Variants in KCNK6 observed in about 807,000 individuals in gnomAD.
KCNK6 encodes the protein potassium channel subfamily K member 6.
In KCNK6, 20 loss-of-function variants were observed where a neutral mutation model predicts 21.9. The ratio of observed to expected loss-of-function variants is 0.91; its 90% CI spans 0.64 to 1.32. The LOEUF (loss-of-function observed/expected upper bound fraction) is 1.32. KCNK6 is among the 40% of genes most tolerant of loss of function. The pLI is 0.00. For missense variants in KCNK6, 415 were observed against 433.1 expected, an observed-to-expected ratio of 0.96 and a Z score of 0.37; for synonymous variants, 210 against 218.0, an observed-to-expected ratio of 0.96 and a Z score of 0.32.
Position 38,327,673 on chromosome 19 carries a change from G to T in KCNK6, c.*270G>T. ...TTACACTGTGTCTCTCTGGCTCTCTGGCATTCTCGCTGCCTCTGTCTTTCC... is the reference window on the plus strand; with the variant it reads ...TTACACTGTGTCTCTCTGGCTCTCTTGCATTCTCGCTGCCTCTGTCTTTCC... On this transcript the variant is annotated 3_prime_UTR_variant, in exon 3 of 3. Transcript: ENST00000263372. 1 of 502,406 alleles carries T rather than the reference G, an allele frequency of 2.0e-6. No homozygotes were observed. Among genetic ancestry groups the T allele is most frequent in the South Asian group, 2.5e-5 (1 of 40,548 alleles). The allele number at this position is 502,406 out of a possible 1,614,324, so 31.1% of individuals were successfully genotyped here.
Position 38,320,145 on chromosome 19 carries a change from A to C in KCNK6, c.195A>C (p.Arg65=). The C allele has an allele frequency of 6.3e-7, 1 of 1,594,036 alleles. No homozygotes were observed. Among genetic ancestry groups the C allele is most frequent in the Non-Finnish European group, 8.5e-7 (1 of 1,177,062 alleles). The change falls in exon 1 of 3, where the codon CGA becomes CGC. Residue 65 remains arginine (R), a synonymous_variant. Transcript: ENST00000263372. ...AAPALDAFVE[R]VLAAGRLGRV... ...CCGCCCTGGACGCCTTCGTGGAGCG[A>C]GTGCTGGCGGCCGGACGGCTGGGGC...
chr19:38,324,101 AT>A (rs916318623), intron 1 of KCNK6, among the ~76,000 whole-genome samples: 3 of 149,216 alleles, frequency 2.0e-5, no homozygotes, highest in African/African-American at 7.4e-5. Context: ...TATTATTATT[AT>A]TTTTTTTTAC....
At chr19:38,320,303 G>A (rs1039617012) in intron 1 of KCNK6, 31 bp downstream of exon 1, 4 of 1,601,814 alleles carry the variant, frequency 2.5e-6, no homozygotes, top group Middle Eastern at 1.7e-4. Context: ...AAGGCGGCGA[G>A]GACCCGGGAT....
In KCNK6 at chr19:38,327,593, C is replaced by T. The variant is rs143217284; in HGVS notation, c.*190C>T. 0.011 allele frequency: 6,619 copies of T among 608,062 alleles called. 120 individuals are homozygous for T. The highest frequency in any genetic ancestry group is 0.065 in the Admixed American group (2,230 of 34,396). The allele number at this position is 608,062 out of a possible 1,614,324, so 37.7% of individuals were successfully genotyped here. On this transcript the variant is annotated 3_prime_UTR_variant, in exon 3 of 3. Coordinates refer to ENST00000263372, the MANE Select transcript of KCNK6 (RefSeq NM_004823.3). The stretch of plus-strand genomic sequence containing the variant: ...GGCAGCACTCCCTGTCCCCATGTCC[C>T]GGGCTCCACTGGGCACCAACATAAC...
In KCNK6 at chr19:38,326,874, T is replaced by C. The variant is rs1969715578; in HGVS notation, c.604T>C (p.Leu202=). 6.2e-7 allele frequency: 1 copy of C among 1,612,076 alleles called. No homozygotes were observed. ...FAHLEEAWSF[L]DAFYFCFISL... ...CCACCTCGAGGAGGCCTGGAGCTTC[T>C]TGGATGCCTTCTACTTCTGCTTTAT... The change falls in exon 2 of 3, where the codon TTG becomes CTG. Residue 202 remains leucine, a synonymous_variant. Transcript: ENST00000263372.
In KCNK6 at chr19:38,330,637, A is replaced by AAAAAG. The variant is rs1969760574; in HGVS notation, c.*3244_*3248dup. 6.8e-6 allele frequency: 1 copy of AAAAAG among 147,400 alleles called. No individual in the cohort carries two copies. The highest frequency in any genetic ancestry group is 1.5e-5 in the Non-Finnish European group (1 of 66,354). 9.1% of individuals were successfully genotyped at this position (147,400 alleles called of 1,614,324 possible). On this transcript the variant is annotated 3_prime_UTR_variant, in exon 3 of 3. Transcript: ENST00000263372. ...GAGCAAGACCCTGTCTCAAAAAAAAAAAAAGAAAAGAAAAAGAAAAAGAAA... is the reference window on the plus strand; with the variant it reads ...GAGCAAGACCCTGTCTCAAAAAAAAAAAAAGAAAAGAAAAGAAAAAGAAAAAGAAA...
At position 38,320,034 on chromosome 19, in the gene KCNK6, G is replaced by A; in HGVS notation, c.84G>A (p.Leu28=). 1 of 1,498,330 alleles carries A rather than the reference G, an allele frequency of 6.7e-7. No individual in the cohort carries two copies. 92.8% of individuals were successfully genotyped at this position (1,498,330 alleles called of 1,614,324 possible). The change falls in exon 1 of 3, where the codon CTG becomes CTA. Residue 28 remains leucine, a synonymous_variant. Coordinates refer to ENST00000263372, the MANE Select transcript of KCNK6 (RefSeq NM_004823.3). ...TGGGCGCGCTGTTGGTGGCGCGGCT[G>A]GAGGGGCCGCACGAAGCCAGGCTCC... ...LVLGALLVAR[L]EGPHEARLRA...
At chr19:38,325,157 C>A (rs1048438629) in intron 1 of KCNK6, 1 of 151,796 alleles carries the variant, frequency 6.6e-6, no homozygotes, top group African/African-American at 2.4e-5. Flanking sequence ...TGCTCTGTCA[C>A]CCAGGCTGGA....
Position 38,320,210 on chromosome 19 carries a change from C to G in KCNK6, c.260C>G (p.Ser87Trp). Residue 87 changes from serine (S) to tryptophan (W), a missense_variant, in exon 1 of 3, where the codon TCG (serine) becomes TGG (tryptophan). Coordinates refer to ENST00000263372, the MANE Select transcript of KCNK6 (RefSeq NM_004823.3). ...AACGCTTCGGGGTCCGCCAACGCCT[C>G]GGACCCCGCCTGGGACTTCGCCTCT... Reference protein sequence around the residue: ...LANASGSANASDPAWDFASAL... With the variant: ...LANASGSANAWDPAWDFASAL... The G allele has an allele frequency of 1.2e-6, 2 of 1,603,322 alleles. No homozygotes were observed. The highest frequency in any genetic ancestry group is 1.7e-6 in the Non-Finnish European group (2 of 1,179,598).
chr19:38,326,372 G>A (rs1418294767), intron 1 of KCNK6, among the ~76,000 whole-genome samples: 2 of 152,074 alleles, frequency 1.3e-5, no homozygotes, highest in South Asian at 2.1e-4. Context: ...AACATAGTAG[G>A]ACCCCATCTC....
chr19:38,331,087 G>A lies in KCNK6; in HGVS notation c.*3684G>A, dbSNP rs1969764758. 6.6e-6 allele frequency: 1 copy of A among 152,360 alleles called. No individual in the cohort carries two copies. Among genetic ancestry groups the A allele is most frequent in the East Asian group, 1.9e-4 (1 of 5,214 alleles). 9.4% of individuals were successfully genotyped at this position (152,360 alleles called of 1,614,324 possible). A position where few individuals can be genotyped will look rare whatever the true frequency, so the allele number is the denominator to read the frequency against. Reference sequence around the variant, plus strand: ...CATGCCTGTAATCCCAACACTTGGGGAGGCTGAGGCAGGAGGATCGCTTGA... The same window carrying A: ...CATGCCTGTAATCCCAACACTTGGGAAGGCTGAGGCAGGAGGATCGCTTGA... On this transcript the variant is annotated 3_prime_UTR_variant, in exon 3 of 3. Coordinates refer to ENST00000263372, the MANE Select transcript of KCNK6 (RefSeq NM_004823.3).
Position 38,327,238 on chromosome 19 carries a change from G to A in KCNK6, c.777G>A (p.Val259=), listed in dbSNP as rs759512668. The A allele has an allele frequency of 1.2e-6, 2 of 1,613,560 alleles. No homozygotes were observed. Among genetic ancestry groups the A allele is most frequent in the East Asian group, 2.2e-5 (1 of 44,892 alleles). ...MVLVLQTFRH[V]SDLHGLTELI... Reference sequence around the variant, plus strand: ...TGGTGCTGCAGACCTTCCGCCACGTGTCCGACCTCCACGGCCTCACGGAGC... The same window carrying A: ...TGGTGCTGCAGACCTTCCGCCACGTATCCGACCTCCACGGCCTCACGGAGC... Residue 259 remains valine, a synonymous_variant, in exon 3 of 3, where the codon GTG becomes GTA. Transcript: ENST00000263372.
rs748036521 is a variant in KCNK6, at chr19:38,328,852, AAG to A, written c.*1455_*1456del. 5 of 143,030 alleles carry A rather than the reference AAG, an allele frequency of 3.5e-5. No homozygotes were observed. The highest frequency in any genetic ancestry group is 6.2e-5 in the Non-Finnish European group (4 of 64,826). The allele number at this position is 143,030 out of a possible 1,614,324, so 8.9% of individuals were successfully genotyped here. On this transcript the variant is annotated 3_prime_UTR_variant, in exon 3 of 3. Transcript: ENST00000263372. Reference sequence around the variant, plus strand: ...ACAGAGTGAGACCCTGTCTGAAAGAAAGAGAGAAAGAAAGAAAGAAAGAGAGA... The same window carrying A: ...ACAGAGTGAGACCCTGTCTGAAAGAAAGAGAAAGAAAGAAAGAAAGAGAGA...
chr19:38,328,285 C>T lies in KCNK6; in HGVS notation c.*882C>T, dbSNP rs931749. ...GAGGGACCCCTGGTGTAGGCCTGGG[C>T]GATAGACTCTTCCTCAGCAGCCTGG... On this transcript the variant is annotated 3_prime_UTR_variant, in exon 3 of 3. Coordinates refer to ENST00000263372, the MANE Select transcript of KCNK6 (RefSeq NM_004823.3). The T allele has an allele frequency of 0.16, 25,006 of 152,254 alleles. 2,416 individuals are homozygous for T. Among genetic ancestry groups the T allele is most frequent in the South Asian group, 0.25 (1,227 of 4,820 alleles). 9.4% of individuals were successfully genotyped at this position (152,254 alleles called of 1,614,324 possible).
chr19:38,323,433 T>C (rs916106460), intron 1 of KCNK6, among the ~76,000 whole-genome samples: 2 of 152,178 alleles, frequency 1.3e-5, no homozygotes, highest in Non-Finnish European at 2.9e-5. Flanking sequence ...CTGGAATTGA[T>C]CTGGGCAGCC....
In KCNK6 at chr19:38,326,651, G is replaced by A. The variant is rs144408830; in HGVS notation, c.381G>A (p.Ala127=). Reference sequence around the variant, plus strand: ...GCAAGGCCTTCTCCATCGCCTTTGCGCTCCTGGGCGTGCCGACCACCATGC... The same window carrying A: ...GCAAGGCCTTCTCCATCGCCTTTGCACTCCTGGGCGTGCCGACCACCATGC... ...DAGKAFSIAF[A]LLGVPTTMLL... Residue 127 remains alanine, a synonymous_variant, in exon 2 of 3, where the codon GCG becomes GCA. Transcript: ENST00000263372. 1.1e-5 allele frequency: 18 copies of A among 1,609,712 alleles called. No homozygotes were observed. The African/African-American group carries it at 2.1e-4, about 19-fold the overall frequency.
Position 38,327,345 on chromosome 19 carries a change from A to G in KCNK6, c.884A>G (p.Glu295Gly). 1 of 1,612,588 alleles carries G rather than the reference A, an allele frequency of 6.2e-7. No individual in the cohort carries two copies. Among genetic ancestry groups the G allele is most frequent in the East Asian group, 2.2e-5 (1 of 44,884 alleles). Residue 295 changes from glutamate (E) to glycine (G), a missense_variant, in exon 3 of 3, where the codon GAG becomes GGG. Transcript: ENST00000263372. Reference protein sequence around the residue: ...DRVDILGPQPESHQQLSASSH... With the variant: ...DRVDILGPQPGSHQQLSASSH... ...GTGGACATCCTGGGCCCCCAGCCGG[A>G]GTCGCACCAGCAACTCTCTGCCAGC...
In KCNK6 at chr19:38,327,185, C is replaced by T. The variant is rs1568366036; in HGVS notation, c.724C>T (p.Leu242Phe). The T allele has an allele frequency of 1.9e-6, 3 of 1,612,126 alleles. No homozygotes were observed. The highest frequency in any genetic ancestry group is 4.5e-5 in the East Asian group (2 of 44,892). ...CCCCTTCTCCGCCTTTACAGTCTAC[C>T]TCTTCCTGGGCCTGGTGGCCATGGT... ...ALYKVLVTVY[L>F]FLGLVAMVLV... Residue 242 changes from leucine to phenylalanine, a missense_variant, in exon 3 of 3, where the codon CTC (leucine) becomes TTC (phenylalanine). Physicochemically the swap from Leu to Phe is conservative, Grantham distance 22. Transcript: ENST00000263372.
chr19:38,320,125 C>T lies in KCNK6; in HGVS notation c.175C>T (p.Leu59=), dbSNP rs755121668. 1.1e-4 allele frequency: 169 copies of T among 1,586,232 alleles called. No individual in the cohort carries two copies. The highest frequency in any genetic ancestry group is 1.7e-4 in the Middle Eastern group (1 of 5,900). The change falls in exon 1 of 3, where the codon CTG becomes TTG. Residue 59 remains leucine (L), a synonymous_variant. Transcript: ENST00000263372. ...CAGCCCGTGTGTGGCTGCCCCCGCC[C>T]TGGACGCCTTCGTGGAGCGAGTGCT... ...QRSPCVAAPA[L]DAFVERVLAA...
Sources: allele counts gnomAD v4.1 joint callset (sites outside exome capture counted in the v4.1 genomes callset), GRCh38; gene constraint gnomAD v4.1.1; transcripts MANE v1.5; gene names NCBI Gene and HGNC (gene_info 2026-07-23, HGNC 2026-07-21).